The following CCDC88C variants were observed in gnomAD, a reference collection of about 807,000 sequenced individuals.
CCDC88C encodes protein Daple.
In CCDC88C, 131 loss-of-function variants were observed where a neutral mutation model predicts 198.8. The ratio of observed to expected loss-of-function variants is 0.66; its 90% CI spans 0.57 to 0.76. The LOEUF (loss-of-function observed/expected upper bound fraction) is 0.76, where lower values mean the gene tolerates loss of function less well. Among genes scored for constraint, CCDC88C ranks in the 30% least tolerant of loss-of-function variants. CCDC88C has a pLI of 0.00. For missense variants in CCDC88C, 2,553 were observed against 2,631.6 expected, an observed-to-expected ratio of 0.97 and a Z score of 0.65; for synonymous variants, 1,166 against 1,114.7, an observed-to-expected ratio of 1.05 and a Z score of -0.92.
At chr14:91,314,233 G>C in intron 14 of CCDC88C, 83 bp from the exon 15 acceptor site, 1 of 1,164,952 alleles carries the variant, frequency 8.6e-7, no homozygotes, top group Non-Finnish European at 1.2e-6. Flanking sequence ...GGATGGGAGA[G>C]AGAAGGCCTT....
chr14:91,302,604 A>G (rs1414055562), intron 20 of CCDC88C, among the ~76,000 whole-genome samples: 1 of 152,310 alleles, frequency 6.6e-6, no homozygotes, highest in Non-Finnish European at 1.5e-5. Context: ...GTGCATTTCA[A>G]TGTAAGTTTT....
Position 91,273,165 on chromosome 14 carries a change from T to G in CCDC88C, c.5547A>C (p.Ala1849=), listed in dbSNP as rs753850014. 2 of 1,578,676 alleles carry G rather than the reference T, an allele frequency of 1.3e-6. No individual in the cohort carries two copies. The highest frequency in any genetic ancestry group is 2.3e-5 in the South Asian group (2 of 86,404). ...GGGCCAGGCTATGGGAGCTGGGGGG[T>G]GCGGGGCTTTGCAGGGTGTGGCTGC... ...ETGSHTLQSP[A]PPSSHSLARE... is the part of the protein sequence containing the mutation. The change falls in exon 30 of 30, where the codon GCA becomes GCC. Residue 1849 remains alanine (A), a synonymous_variant. Transcript: ENST00000389857. This position sits in a 1 kb window ranked among gnomAD's most constrained non-coding sequence, Gnocchi z 5.6.
At chr14:91,402,489 G>A (rs1263543246) in intron 3 of CCDC88C, among the ~76,000 whole-genome samples, 2 of 152,200 alleles carry the variant, frequency 1.3e-5, no homozygotes, top group Non-Finnish European at 2.9e-5. Context: ...CTCGAAGAAA[G>A]ATCACACAAA....
At position 91,339,202 on chromosome 14, in the gene CCDC88C, A is replaced by G; in HGVS notation, c.809+76T>C. 1 of 1,533,820 alleles carries G rather than the reference A, an allele frequency of 6.5e-7. No individual in the cohort carries two copies. The highest frequency in any genetic ancestry group is 1.4e-5 in the African/African-American group (1 of 73,496). ...TCAGAGCTGTGCCATTGGCAGCACCACACATGTGAGTCGACACCACACCAG... is the reference window on the plus strand; with the variant it reads ...TCAGAGCTGTGCCATTGGCAGCACCGCACATGTGAGTCGACACCACACCAG... On this transcript the variant is annotated intron_variant, in intron 8 of 29. Coordinates refer to ENST00000389857, the MANE Select transcript of CCDC88C (RefSeq NM_001080414.4). The surrounding 1 kb of genome is among the most constrained non-coding windows in gnomAD (Gnocchi z 5.8).
intron 3 of CCDC88C, among the ~76,000 whole-genome samples, chr14:91,366,273 G>T (rs1894536540): frequency 6.6e-6 from 1 of 151,748 alleles, no homozygotes; most frequent in African/African-American, 2.4e-5. Flanking sequence ...GTCACCTGAG[G>T]TCAGGAGTTC....
At chr14:91,321,644 CAG>C (rs1295248943) in intron 12 of CCDC88C, among the ~76,000 whole-genome samples, 2 of 152,202 alleles carry the variant, frequency 1.3e-5, no homozygotes, top group Non-Finnish European at 2.9e-5. Flanking sequence ...TAGAGGCTAA[CAG>C]AGATGACACA....
At chr14:91,291,498 G>A (rs1890657407) in intron 23 of CCDC88C, among the ~76,000 whole-genome samples, 1 of 152,212 alleles carries the variant, frequency 6.6e-6, no homozygotes, top group Admixed American at 6.5e-5. Flanking sequence ...CCTGGGCAGT[G>A]AGGTTGAAAA....
Position 91,313,667 on chromosome 14 carries a change from G to C in CCDC88C, c.2149C>G (p.Arg717Gly). ...LELRRLVETM[R>G]FTSTKLAQME... ...TGTGCCAGCTTGGTGCTGGTGAAGC[G>C]CATGGTCTCCACCAGCCTGCGCAGC... Residue 717 changes from arginine to glycine, a missense_variant, in exon 15 of 30, where the codon CGC becomes GGC. This residue lies in a region of CCDC88C where 1,260 missense variants were observed against 1,412.0 expected (regional missense o/e 0.89). Coordinates refer to ENST00000389857, the MANE Select transcript of CCDC88C (RefSeq NM_001080414.4). This position sits in a 1 kb window ranked among gnomAD's most constrained non-coding sequence, Gnocchi z 5.2. 2.5e-6 allele frequency: 4 copies of C among 1,612,008 alleles called. No individual in the cohort carries two copies. The highest frequency in any genetic ancestry group is 1.1e-5 in the South Asian group (1 of 91,084).
chr14:91,370,739 G>T (rs190336638), intron 3 of CCDC88C, among the ~76,000 whole-genome samples: 1 of 152,166 alleles, frequency 6.6e-6, no homozygotes, highest in Non-Finnish European at 1.5e-5. Context: ...AGGGGAAGGC[G>T]GGTCAGTAGG....
intron 1 of CCDC88C, chr14:91,417,340 G>C (rs938741066): frequency 9.7e-5 from 59 of 611,122 alleles, no homozygotes; most frequent in Middle Eastern, 4.1e-4. Context: ...GGTCCGCCCC[G>C]AGGCAGCCAG....
intron 10 of CCDC88C, among the ~76,000 whole-genome samples, chr14:91,331,121 G>T (rs1020879914): frequency 7.1e-5 from 10 of 140,958 alleles, no homozygotes; most frequent in Non-Finnish European, 1.1e-4. Context: ...GGGGTGGGGG[G>T]AGCGGTGCAG....
intron 3 of CCDC88C, among the ~76,000 whole-genome samples, chr14:91,394,183 A>AC (rs1019598633): frequency 6.6e-6 from 1 of 151,818 alleles, no homozygotes; most frequent in South Asian, 2.1e-4. Context: ...TTTAATTTCC[A>AC]CCCCCCAGGG....
At chr14:91,393,483 C>T (rs912399572) in intron 3 of CCDC88C, among the ~76,000 whole-genome samples, 3 of 152,302 alleles carry the variant, frequency 2.0e-5, no homozygotes, top group African/African-American at 4.8e-5. Context: ...ACCTCAGCCC[C>T]GATCTGGCTT....
At chr14:91,279,401 A>ATG (rs1890107905) in intron 27 of CCDC88C, 95 bp from the exon 28 acceptor site, 2 of 1,060,854 alleles carry the variant, frequency 1.9e-6, no homozygotes, top group African/African-American at 1.6e-5. Context: ...AAACAATCCC[A>ATG]TGCCAAAGCT....
chr14:91,324,069 C>T (rs1464872779), intron 12 of CCDC88C, among the ~76,000 whole-genome samples: 2 of 152,056 alleles, frequency 1.3e-5, no homozygotes, highest in African/African-American at 4.8e-5. Context: ...TGAACTTGCA[C>T]GATCACGTGC....
intron 3 of CCDC88C, among the ~76,000 whole-genome samples, chr14:91,405,831 C>T (rs1045912756): frequency 4.6e-5 from 7 of 152,240 alleles, no homozygotes; most frequent in African/African-American, 1.7e-4. Flanking sequence ...AATGTGTCAG[C>T]CCTGAACACA....
At position 91,283,387 on chromosome 14, in the gene CCDC88C, G is replaced by A; in HGVS notation, c.4572C>T (p.Ala1524=). 6.2e-7 allele frequency: 1 copy of A among 1,613,890 alleles called. No individual in the cohort carries two copies. Among genetic ancestry groups the A allele is most frequent in the East Asian group, 2.2e-5 (1 of 44,888 alleles). Residue 1524 remains alanine (A), a synonymous_variant, in exon 26 of 30, where the codon GCC becomes GCT. Transcript: ENST00000389857. ...ELGSRTCSTS[A]TTTAPSNSTP... is the part of the protein sequence containing the mutation. ...TGGAGTTGGAAGGGGCTGTAGTGGT[G>A]GCTGAAGTTGAGCAAGTCCGGGAGC...
At chr14:91,307,261 C>A in intron 17 of CCDC88C, 35 bp from the exon 18 acceptor site, 1 of 1,600,438 alleles carries the variant, frequency 6.2e-7, no homozygotes. Context: ...AGGCTTTAGG[C>A]GGAAGCAGCC....
At position 91,307,223 on chromosome 14, in the gene CCDC88C, T is replaced by G. The variant is rs1891596067; in HGVS notation, c.3010A>C (p.Lys1004Gln). 4 of 1,613,312 alleles carry G rather than the reference T, an allele frequency of 2.5e-6. No homozygotes were observed. The highest frequency in any genetic ancestry group is 2.5e-6 in the Non-Finnish European group (3 of 1,179,834). ...TGCCTGAGGGTCTCACACTCCTTCT[T>G]TAGCTACAGGTGTGACAATAAGCAA... ...RQLESELQML[K>Q]KECETLRQNQ... Residue 1004 changes from lysine to glutamine, a missense_variant, in exon 18 of 30, where the codon AAG becomes CAG. This residue lies in a region of CCDC88C where 1,260 missense variants were observed against 1,412.0 expected (regional missense o/e 0.89). Transcript: ENST00000389857.
Sources: gnomAD v4.1 joint callset for allele counts (sites outside exome capture counted in the v4.1 genomes callset) on GRCh38, gnomAD v4.1.1 for gene constraint, gnomAD v4.1.1 regional missense constraint, Gnocchi (gnomAD v3.1) non-coding constraint, MANE v1.5 for transcripts, NCBI Gene and HGNC (gene_info 2026-07-23, HGNC 2026-07-21) for gene names.